BICC1: variants seen among roughly 807,000 people sequenced by gnomAD.
BICC1 encodes the protein BicC family RNA binding protein 1.
Under a neutral mutation model 111.0 loss-of-function variants are expected in BICC1, and 43 were observed. That is an observed-to-expected ratio of 0.39 (90% CI 0.30 to 0.50). The LOEUF (loss-of-function observed/expected upper bound fraction) is 0.50. Among genes scored for constraint, BICC1 ranks in the 20% least tolerant of loss-of-function variants. BICC1 has a pLI of 0.88. For missense variants in BICC1, 1,091 were observed against 1,203.2 expected (o/e 0.91, Z 1.38); for synonymous variants, 467 against 434.4 (o/e 1.07, Z -0.93).
Position 58,689,968 on chromosome 10 carries a change from A to G in BICC1, c.238-12106A>G, listed in dbSNP as rs574539371. Among the ~76,000 whole-genome samples, 8 of 152,326 alleles carry G rather than the reference A, an allele frequency of 5.3e-5. No individual in the cohort carries two copies. The East Asian group carries it at 1.5e-3, about 29-fold the overall frequency. ...AAATTTGATATAATTCAGGGAAAGG[A>G]CCTGTATGGGATAAGAAGTAATCAA... On this transcript the variant is annotated intron_variant, in intron 2 of 20. Transcript: ENST00000373886.
At chr10:58,703,164 C>CCT (rs5785339) in intron 3 of BICC1, among the ~76,000 whole-genome samples, 3 of 130,414 alleles carry the variant, frequency 2.3e-5, no homozygotes, top group Non-Finnish European at 4.7e-5. Context: ...TATCTTGCTA[C>CCT]TTTTTTTTTT....
In BICC1 at chr10:58,755,485, T is replaced by G. The variant is rs116731145; in HGVS notation, c.308-29516T>G. Among the ~76,000 whole-genome samples the G allele has an allele frequency of 6.1e-3, 929 of 152,298 alleles. 11 individuals carry two copies. Among genetic ancestry groups the G allele is most frequent in the African/African-American group, 0.021 (875 of 41,566 alleles). ...TACATTTGGTGAATTATTTCCTGAA[T>G]GAGACTGAGAAATCACTGGGCTCTG... On this transcript the variant is annotated intron_variant, in intron 3 of 20. Transcript: ENST00000373886.
At chr10:58,764,916 G>C (rs1286460283) in intron 3 of BICC1, among the ~76,000 whole-genome samples, 1 of 152,140 alleles carries the variant, frequency 6.6e-6, no homozygotes, top group Non-Finnish European at 1.5e-5. Flanking sequence ...GGTGATAACT[G>C]TAAATTAGGA....
chr10:58,733,740 G>A (rs1325682092), intron 3 of BICC1, among the ~76,000 whole-genome samples: 1 of 152,216 alleles, frequency 6.6e-6, no homozygotes, highest in African/African-American at 2.4e-5. Context: ...GGGCCAGTTG[G>A]CCTAGCATCA....
intron 15 of BICC1, among the ~76,000 whole-genome samples, chr10:58,805,714 T>C (rs1252079227): frequency 6.6e-6 from 1 of 152,234 alleles, no homozygotes; most frequent in Non-Finnish European, 1.5e-5. Context: ...AGGTACCTTA[T>C]ATATGATGGT....
At chr10:58,720,883 A>T (rs1344997387) in intron 3 of BICC1, among the ~76,000 whole-genome samples, 1 of 152,182 alleles carries the variant, frequency 6.6e-6, no homozygotes, top group Non-Finnish European at 1.5e-5. Flanking sequence ...TAACTTGATA[A>T]GAGCAAGGAA....
intron 3 of BICC1, among the ~76,000 whole-genome samples, chr10:58,755,079 A>C (rs1283853177): frequency 6.6e-6 from 1 of 152,072 alleles, no homozygotes; most frequent in Admixed American, 6.6e-5. Context: ...CCTGATGCTG[A>C]AAATTTTGAA....
At chr10:58,693,134 G>A (rs907541730) in intron 2 of BICC1, among the ~76,000 whole-genome samples, 1 of 152,130 alleles carries the variant, frequency 6.6e-6, no homozygotes, top group South Asian at 2.1e-4. Context: ...CCTTGCGATA[G>A]TTTGCTGAGA....
At chr10:58,762,180 A>G (rs974855667) in intron 3 of BICC1, among the ~76,000 whole-genome samples, 1 of 152,158 alleles carries the variant, frequency 6.6e-6, no homozygotes, top group African/African-American at 2.4e-5. Context: ...GAGACTCACA[A>G]ATCTGATCAA....
At chr10:58,594,842 A>G (rs927193783) in intron 1 of BICC1, among the ~76,000 whole-genome samples, 3 of 152,242 alleles carry the variant, frequency 2.0e-5, no homozygotes, top group African/African-American at 7.2e-5. Context: ...ACCAGCTAGC[A>G]TCATAATGAC....
intron 3 of BICC1, among the ~76,000 whole-genome samples, chr10:58,713,085 A>C (rs1840629294): frequency 6.6e-6 from 1 of 152,228 alleles, no homozygotes; most frequent in South Asian, 2.1e-4. Flanking sequence ...AAATCTCTTA[A>C]GAAACAATCA....
intron 3 of BICC1, among the ~76,000 whole-genome samples, chr10:58,740,579 G>A (rs1841627957): frequency 1.3e-5 from 2 of 152,280 alleles, no homozygotes; most frequent in African/African-American, 2.4e-5. Context: ...TCATTATGGA[G>A]TGGCTTGGAT....
chr10:58,612,035 GGT>G (rs1845441425), intron 1 of BICC1, among the ~76,000 whole-genome samples: 1 of 152,080 alleles, frequency 6.6e-6, no homozygotes, highest in Admixed American at 6.6e-5. Flanking sequence ...AGTGAAGACT[GGT>G]AATTAGAGAG....
intron 14 of BICC1, among the ~76,000 whole-genome samples, chr10:58,801,991 T>C (rs4293075): frequency 0.76 from 115,555 of 152,128 alleles, 44,090 homozygotes; most frequent in African/African-American, 0.81. Flanking sequence ...TCATCATCTT[T>C]TGGCTTAAGC....
At chr10:58,723,383 T>C (rs1019755700) in intron 3 of BICC1, among the ~76,000 whole-genome samples, 11 of 152,130 alleles carry the variant, frequency 7.2e-5, no homozygotes, top group Non-Finnish European at 1.3e-4. Flanking sequence ...TTATGGAAAA[T>C]GCATGGAAAA....
At chr10:58,704,078 C>G (rs1201188540) in intron 3 of BICC1, among the ~76,000 whole-genome samples, 1 of 152,150 alleles carries the variant, frequency 6.6e-6, no homozygotes, top group Non-Finnish European at 1.5e-5. Context: ...TGACACTTAA[C>G]CCATTCAAAA....
At chr10:58,599,209 A>C (rs566507897) in intron 1 of BICC1, among the ~76,000 whole-genome samples, 1 of 152,324 alleles carries the variant, frequency 6.6e-6, no homozygotes, top group African/African-American at 2.4e-5. Flanking sequence ...ACATATGTTT[A>C]TTGTGGCACT....
intron 3 of BICC1, among the ~76,000 whole-genome samples, chr10:58,755,584 A>C (rs79097074): frequency 7.9e-5 from 12 of 152,338 alleles, no homozygotes; most frequent in African/African-American, 2.4e-4. Context: ...AATAGAGTTC[A>C]TGAAAACCCT....
chr10:58,588,315 G>A (rs1844492907), intron 1 of BICC1, among the ~76,000 whole-genome samples: 1 of 152,160 alleles, frequency 6.6e-6, no homozygotes, highest in African/African-American at 2.4e-5. Context: ...TTGAACCTTG[G>A]TAAGTAGATG....
Sources: gnomAD v4.1 joint callset for allele counts (sites outside exome capture counted in the v4.1 genomes callset) on GRCh38, gnomAD v4.1.1 for gene constraint, MANE v1.5 for transcripts, NCBI Gene and HGNC (gene_info 2026-07-23, HGNC 2026-07-21) for gene names.